SMTNL2: variants seen among roughly 807,000 people sequenced by gnomAD.
SMTNL2 encodes smoothelin-like protein 2.
SMTNL2 carries 43 observed loss-of-function variants against 44.1 expected under a neutral mutation model. That is an observed-to-expected ratio of 0.98 (90% CI 0.76 to 1.26). SMTNL2 has a LOEUF of 1.26. Ranked by LOEUF, SMTNL2 falls within the 50% of genes most tolerant of loss-of-function variation. The pLI is 0.00. For missense variants in SMTNL2, 646 were observed against 670.2 expected (o/e 0.96, Z 0.40); for synonymous variants, 317 against 287.6 (o/e 1.10, Z -1.03).
In SMTNL2 at chr17:4,605,153, GTTTTTTTTT is replaced by G. The variant is rs753950451; in HGVS notation, c.1260-2190_1260-2182del. On this transcript the variant is annotated intron_variant, in intron 7 of 7. Coordinates refer to ENST00000389313, the MANE Select transcript of SMTNL2 (RefSeq NM_001114974.2). ...GAATAATCTCTGACTTTTTTGTTTG[GTTTTTTTTT>G]TTTTTTTTTTTTTTTTTGAGGCAGG... 9.5e-3 allele frequency among the ~76,000 whole-genome samples: 781 copies of G among 82,262 alleles called. 14 individuals carry two copies. The highest frequency in any genetic ancestry group is 0.046 in the South Asian group (94 of 2,044). 54.0% of individuals were successfully genotyped at this position (82,262 alleles called of 152,430 possible).
intron 1 of SMTNL2, 142 bp downstream of exon 1, chr17:4,585,146 C>A: frequency 9.5e-7 from 1 of 1,054,806 alleles, no homozygotes; most frequent in Non-Finnish European, 1.2e-6. Flanking sequence ...TGATGGGGGT[C>A]CTGCCGCCCC....
Position 4,595,438 on chromosome 17 carries a change from G to A in SMTNL2, c.989+111G>A, listed in dbSNP as rs554538754. On this transcript the variant is annotated intron_variant, in intron 5 of 7. Coordinates refer to ENST00000389313, the MANE Select transcript of SMTNL2 (RefSeq NM_001114974.2). This position sits in a 1 kb window ranked among gnomAD's most constrained non-coding sequence, Gnocchi z 5.1. ...TCAGCCCTGTCCTGTTCCCCAGGGCGCTGTTGCCCAGGACAAGATCTCTTG... is the reference window on the plus strand; with the variant it reads ...TCAGCCCTGTCCTGTTCCCCAGGGCACTGTTGCCCAGGACAAGATCTCTTG... 82 of 1,411,416 alleles carry A rather than the reference G, an allele frequency of 5.8e-5. No individual in the cohort carries two copies. The highest frequency in any genetic ancestry group is 3.0e-4 in the South Asian group (21 of 70,480). 87.4% of individuals were successfully genotyped at this position (1,411,416 alleles called of 1,614,324 possible).
intron 5 of SMTNL2, among the ~76,000 whole-genome samples, chr17:4,596,594 G>A (rs1287440322): frequency 6.6e-6 from 1 of 151,986 alleles, no homozygotes; most frequent in East Asian, 1.9e-4. Flanking sequence ...TCCTGGATGG[G>A]GAATAAACAG....
intron 7 of SMTNL2, 102 bp downstream of exon 7, chr17:4,597,425 G>C: frequency 6.6e-7 from 1 of 1,513,094 alleles, no homozygotes; most frequent in Non-Finnish European, 9.0e-7. Context: ...TCGGGCCGCT[G>C]TCTGCAAAGC....
chr17:4,584,683 T>C lies in SMTNL2; in HGVS notation c.78T>C (p.Gly26=). The C allele has an allele frequency of 7.8e-7, 1 of 1,285,638 alleles. No individual in the cohort carries two copies. Among genetic ancestry groups the C allele is most frequent in the Non-Finnish European group, 9.8e-7 (1 of 1,020,620 alleles). The allele number at this position is 1,285,638 out of a possible 1,614,324, so 79.6% of individuals were successfully genotyped here. A position where few individuals can be genotyped will look rare whatever the true frequency, so the allele number is the denominator to read the frequency against. ...GCCGCTACGAGGCGGCGCTGGAGGG[T>C]GCGGTGCGCGCGCTGCACGAGGACA... ...ALGRYEAALE[G]AVRALHEDMR... The change falls in exon 1 of 8, where the codon GGT becomes GGC. Residue 26 remains glycine, a synonymous_variant. Coordinates refer to ENST00000389313, the MANE Select transcript of SMTNL2 (RefSeq NM_001114974.2).
chr17:4,585,049 C>G, intron 1 of SMTNL2, 45 bp downstream of exon 1: 1 of 1,294,178 alleles, frequency 7.7e-7, no homozygotes, highest in Non-Finnish European at 9.8e-7. Flanking sequence ...GAGTGGGGCT[C>G]CGAACCGGGT....
intron 7 of SMTNL2, among the ~76,000 whole-genome samples, chr17:4,602,348 G>T (rs1344814316): frequency 2.1e-5 from 2 of 95,796 alleles, no homozygotes; most frequent in East Asian, 3.3e-4. Flanking sequence ...TTGAGATGGA[G>T]TTTCGTTCTT....
intron 1 of SMTNL2, among the ~76,000 whole-genome samples, chr17:4,589,289 T>C (rs1909466861): frequency 6.6e-6 from 1 of 152,116 alleles, no homozygotes; most frequent in South Asian, 2.1e-4. Context: ...GGTTTCACCC[T>C]CAGCCTTTCC....
At chr17:4,591,875 C>A (rs1567632921) in intron 1 of SMTNL2, among the ~76,000 whole-genome samples, 1 of 152,244 alleles carries the variant, frequency 6.6e-6, no homozygotes, top group Admixed American at 6.5e-5. Flanking sequence ...AATCTTGTGT[C>A]CCCGCCTCCC....
chr17:4,588,504 T>C (rs923412940), intron 1 of SMTNL2, among the ~76,000 whole-genome samples: 12 of 152,176 alleles, frequency 7.9e-5, no homozygotes, highest in East Asian at 1.9e-4. Flanking sequence ...GGTCCCAGCA[T>C]ACCGAGGCCC....
rs1217210512 is a variant in SMTNL2, at chr17:4,595,965, T to C, written c.989+638T>C. Among the ~76,000 whole-genome samples, 590 of 122,406 alleles carry C rather than the reference T, an allele frequency of 4.8e-3. 2 individuals are homozygous for C. The highest frequency in any genetic ancestry group is 0.013 in the African/African-American group (417 of 31,150). 80.3% of individuals were successfully genotyped at this position (122,406 alleles called of 152,430 possible). A position where few individuals can be genotyped will look rare whatever the true frequency, so the allele number is the denominator to read the frequency against. The stretch of plus-strand genomic sequence containing the variant: ...GTGTGGCCCAAGCGTGGTATTGATG[T>C]CTGCTGTGTGCAGGGTGTGGCCCAC... On this transcript the variant is annotated intron_variant, in intron 5 of 7. Transcript: ENST00000389313. The surrounding 1 kb of genome is among the most constrained non-coding windows in gnomAD (Gnocchi z 5.1).
Position 4,584,733 on chromosome 17 carries a change from A to T in SMTNL2, c.128A>T (p.Glu43Val). The stretch of plus-strand genomic sequence containing the variant: ...ATGCGGGGGCTGCAGCGCGGCGTGG[A>T]GCGGCGAGTGGCAGAGGCGATGCGC... The part of the protein sequence containing the change: ...EDMRGLQRGV[E>V]RRVAEAMRLA... The change falls in exon 1 of 8, where the codon GAG becomes GTG. Residue 43 changes from glutamate (E) to valine (V), a missense_variant. Transcript: ENST00000389313. The T allele has an allele frequency of 7.7e-7, 1 of 1,306,360 alleles. No individual in the cohort carries two copies. Among genetic ancestry groups the T allele is most frequent in the Non-Finnish European group, 9.7e-7 (1 of 1,031,276 alleles). The allele number at this position is 1,306,360 out of a possible 1,614,324, so 80.9% of individuals were successfully genotyped here. A position where few individuals can be genotyped will look rare whatever the true frequency, so the allele number is the denominator to read the frequency against.
In SMTNL2 at chr17:4,584,756, C is replaced by A; in HGVS notation, c.151C>A (p.Arg51Ser). The change falls in exon 1 of 8, where the codon CGC (arginine) becomes AGC (serine). Residue 51 changes from arginine (R) to serine (S), a missense_variant. Coordinates refer to ENST00000389313, the MANE Select transcript of SMTNL2 (RefSeq NM_001114974.2). ...GVERRVAEAM[R>S]LAGPLARTVA... is the part of the protein sequence containing the mutation. The stretch of plus-strand genomic sequence containing the variant: ...GGAGCGGCGAGTGGCAGAGGCGATG[C>A]GCCTGGCCGGCCCCCTGGCGCGCAC... 7.6e-7 allele frequency: 1 copy of A among 1,307,906 alleles called. No homozygotes were observed. Among genetic ancestry groups the A allele is most frequent in the South Asian group, 2.1e-5 (1 of 47,854 alleles). The allele number at this position is 1,307,906 out of a possible 1,614,324, so 81.0% of individuals were successfully genotyped here.
At chr17:4,596,421 G>A (rs1379118879) in intron 5 of SMTNL2, among the ~76,000 whole-genome samples, 31 of 152,246 alleles carry the variant, frequency 2.0e-4, no homozygotes, top group Non-Finnish European at 1.5e-5. Flanking sequence ...ATCCCTCCTG[G>A]CTAGGAAAGA....
At chr17:4,603,534 C>T (rs1485180201) in intron 7 of SMTNL2, among the ~76,000 whole-genome samples, 1 of 152,104 alleles carries the variant, frequency 6.6e-6, no homozygotes, top group Non-Finnish European at 1.5e-5. Context: ...CTGAGATGAA[C>T]AAGCTGAGGC....
At chr17:4,590,233 C>T (rs1311758644) in intron 1 of SMTNL2, among the ~76,000 whole-genome samples, 1 of 152,056 alleles carries the variant, frequency 6.6e-6, no homozygotes, top group Non-Finnish European at 1.5e-5. Context: ...TCCCAAAGTG[C>T]TAGGATGACA....
chr17:4,602,825 G>T (rs1400261447), intron 7 of SMTNL2, among the ~76,000 whole-genome samples: 1 of 152,200 alleles, frequency 6.6e-6, no homozygotes, highest in Non-Finnish European at 1.5e-5. Context: ...AGCAAAGGTG[G>T]CAGGTGAAGA....
In SMTNL2 at chr17:4,584,948, CT is replaced by C; in HGVS notation, c.344del (p.Leu115ArgfsTer31). The C allele has an allele frequency of 7.4e-7, 1 of 1,348,724 alleles. No homozygotes were observed. Among genetic ancestry groups the C allele is most frequent in the South Asian group, 1.8e-5 (1 of 55,268 alleles). The allele number at this position is 1,348,724 out of a possible 1,614,324, so 83.5% of individuals were successfully genotyped here. On this transcript the variant is annotated frameshift_variant, in exon 1 of 8. Transcript: ENST00000389313. LOFTEE classifies it high-confidence loss of function. ...APGVPDRAPR[L>X]GSARFASHAT... is the part of the protein sequence containing the mutation. ...CGGGGTTCCCGACCGCGCGCCCCGC[CT>C]GGGCAGCGCACGCTTCGCCAGCCAC...
chr17:4,606,323 T>C (rs1910277468), intron 7 of SMTNL2, among the ~76,000 whole-genome samples: 1 of 151,766 alleles, frequency 6.6e-6, no homozygotes, highest in Admixed American at 6.6e-5. Flanking sequence ...GGTTTCACCA[T>C]ATTGGTCAGG....
Sources: gnomAD v4.1 joint callset for allele counts (sites outside exome capture counted in the v4.1 genomes callset) on GRCh38, gnomAD v4.1.1 for gene constraint, Gnocchi (gnomAD v3.1) non-coding constraint, MANE v1.5 for transcripts, NCBI Gene and HGNC (gene_info 2026-07-23, HGNC 2026-07-21) for gene names.